FMNL2: variants seen among roughly 807,000 people sequenced by gnomAD.
FMNL2 encodes the protein formin like 2.
In FMNL2, 51 loss-of-function variants were observed where a neutral mutation model predicts 130.2. The observed-to-expected ratio is 0.39, with a 90% CI of 0.31 to 0.49. FMNL2 has a LOEUF of 0.49. FMNL2 is among the 20% of genes least tolerant of loss of function. The pLI is 0.85. For synonymous variants in FMNL2, 465 were observed against 467.1 expected, an observed-to-expected ratio of 1.00 and a Z score of 0.06; for missense variants, 977 against 1,316.2, an observed-to-expected ratio of 0.74 and a Z score of 3.99.
intron 21 of FMNL2, among the ~76,000 whole-genome samples, chr2:152,635,962 C>G (rs1480287489): frequency 6.6e-6 from 1 of 152,188 alleles, no homozygotes; most frequent in Admixed American, 6.5e-5. Flanking sequence ...CCACTGCACT[C>G]CAGCCTGGAT....
chr2:152,491,358 G>A (rs1691178280), intron 1 of FMNL2, among the ~76,000 whole-genome samples: 3 of 152,118 alleles, frequency 2.0e-5, no homozygotes, highest in Admixed American at 2.0e-4. Context: ...TGGGGTTGCC[G>A]CCTAGGCTGG....
At chr2:152,631,392 CAAA>C (rs33966314) in intron 20 of FMNL2, among the ~76,000 whole-genome samples, 2 of 77,236 alleles carry the variant, frequency 2.6e-5, no homozygotes, top group East Asian at 4.0e-4. Context: ...GACTCCATCT[CAAA>C]AAAAAAAAAA....
At chr2:152,384,535 T>C (rs367858449) in intron 1 of FMNL2, among the ~76,000 whole-genome samples, 32 of 152,132 alleles carry the variant, frequency 2.1e-4, no homozygotes, top group African/African-American at 5.8e-4. Context: ...AGAGTACTCT[T>C]GATCAGTGAT....
intron 1 of FMNL2, among the ~76,000 whole-genome samples, chr2:152,477,612 G>A (rs181129520): frequency 9.9e-5 from 15 of 152,114 alleles, no homozygotes; most frequent in Non-Finnish European, 1.9e-4. Flanking sequence ...TGTTGTTTGG[G>A]TTTTTGGTCT....
rs957277759 is a variant in FMNL2, at chr2:152,483,810, G to A, written c.118-38133G>A. On this transcript the variant is annotated intron_variant, in intron 1 of 25. Coordinates refer to ENST00000288670, the MANE Select transcript of FMNL2 (RefSeq NM_052905.4). Reference sequence around the variant, plus strand: ...GCTCATCTCTTGAAGCTATTTATTTGTAGCTAATAGCTAGCATTTGTTACC... The same window carrying A: ...GCTCATCTCTTGAAGCTATTTATTTATAGCTAATAGCTAGCATTTGTTACC... 2.6e-5 allele frequency among the ~76,000 whole-genome samples: 4 copies of A among 152,186 alleles called. No homozygotes were observed. The East Asian group carries it at 7.7e-4, about 29-fold the overall frequency.
At chr2:152,555,531 T>TG (rs1695155561) in intron 4 of FMNL2, among the ~76,000 whole-genome samples, 1 of 152,198 alleles carries the variant, frequency 6.6e-6, no homozygotes, top group Admixed American at 6.5e-5. Flanking sequence ...TTCTAAGATT[T>TG]GGGGAGACAG....
At chr2:152,353,841 A>G (rs1470746677) in intron 1 of FMNL2, among the ~76,000 whole-genome samples, 3 of 152,168 alleles carry the variant, frequency 2.0e-5, no homozygotes, top group Non-Finnish European at 4.4e-5. Context: ...ATTCTAGTAT[A>G]TTTTACAGGT....
intron 20 of FMNL2, among the ~76,000 whole-genome samples, chr2:152,631,109 G>A (rs1351630614): frequency 1.3e-5 from 2 of 152,106 alleles, no homozygotes; most frequent in Admixed American, 6.5e-5. Context: ...AAATAGGCCA[G>A]GCCTGGTGGC....
chr2:152,596,613 A>G lies in FMNL2; in HGVS notation c.877-10726A>G, dbSNP rs762047698. Reference sequence around the variant, plus strand: ...TGCAAGTTATATGTTGATATTTTCCATATTAGAAATTACAACAAAATTTCA... The same window carrying G: ...TGCAAGTTATATGTTGATATTTTCCGTATTAGAAATTACAACAAAATTTCA... On this transcript the variant is annotated intron_variant, in intron 9 of 25. Transcript: ENST00000288670. Among the ~76,000 whole-genome samples, 144 of 152,284 alleles carry G rather than the reference A, an allele frequency of 9.5e-4. 1 individual carries two copies. Among genetic ancestry groups the G allele is most frequent in the Admixed American group, 1.8e-3 (27 of 15,302 alleles).
At chr2:152,502,096 C>T (rs1006319894) in intron 1 of FMNL2, among the ~76,000 whole-genome samples, 3 of 152,112 alleles carry the variant, frequency 2.0e-5, no homozygotes, top group African/African-American at 7.2e-5. Flanking sequence ...GTAAGTTCTT[C>T]TTGTGGAAAA....
intron 6 of FMNL2, among the ~76,000 whole-genome samples, chr2:152,562,880 A>G (rs1695607771): frequency 6.6e-6 from 1 of 152,214 alleles, no homozygotes; most frequent in African/African-American, 2.4e-5. Context: ...TAATTTACAA[A>G]GTACATTTTA....
At chr2:152,477,310 T>C (rs1017093238) in intron 1 of FMNL2, among the ~76,000 whole-genome samples, 5 of 152,250 alleles carry the variant, frequency 3.3e-5, no homozygotes, top group African/African-American at 1.2e-4. Flanking sequence ...CTAGAGTTTT[T>C]ATTAGTTAAT....
intron 9 of FMNL2, among the ~76,000 whole-genome samples, chr2:152,602,512 A>G (rs1011936276): frequency 5.9e-5 from 9 of 152,102 alleles, no homozygotes; most frequent in Non-Finnish European, 1.2e-4. Context: ...GTAGCTCTTA[A>G]ACTTTCTCCC....
At chr2:152,370,795 T>C (rs1321507654) in intron 1 of FMNL2, among the ~76,000 whole-genome samples, 1 of 152,218 alleles carries the variant, frequency 6.6e-6, no homozygotes, top group African/African-American at 2.4e-5. Flanking sequence ...GTGTAAACAA[T>C]AACAAACTAC....
chr2:152,609,313 T>TA (rs1698559894), intron 10 of FMNL2, among the ~76,000 whole-genome samples: 1 of 152,226 alleles, frequency 6.6e-6, no homozygotes, highest in East Asian at 1.9e-4. Context: ...GTAGATCATT[T>TA]AGACCTGTTT....
rs142501449 is a variant in FMNL2 at position 152,443,154 on chromosome 2, G to A, written c.118-78789G>A. Among the ~76,000 whole-genome samples, 308 of 152,278 alleles carry A rather than the reference G, an allele frequency of 2.0e-3. 3 individuals carry two copies. The highest frequency in any genetic ancestry group is 7.2e-3 in the African/African-American group (300 of 41,556). On this transcript the variant is annotated intron_variant, in intron 1 of 25. Transcript: ENST00000288670. Reference sequence around the variant, plus strand: ...ACGAGAAACGAAGGAGGTGAAGCCGGGGTTTCTGGCATGGGGAACCAGATG... The same window carrying A: ...ACGAGAAACGAAGGAGGTGAAGCCGAGGTTTCTGGCATGGGGAACCAGATG...
At chr2:152,392,429 A>G (rs6761178) in intron 1 of FMNL2, among the ~76,000 whole-genome samples, 125,708 of 152,106 alleles carry the variant, frequency 0.83, 52,210 homozygotes, top group East Asian at 0.94. Flanking sequence ...CTGTGCTGTA[A>G]TGACAGAATA....
At chr2:152,616,778 T>C (rs1294041762) in intron 12 of FMNL2, among the ~76,000 whole-genome samples, 1 of 152,138 alleles carries the variant, frequency 6.6e-6, no homozygotes, top group East Asian at 1.9e-4. Context: ...AGGTGGACTT[T>C]CCCTCCTCTT....
chr2:152,620,285 T>G (rs1222823803), intron 15 of FMNL2, among the ~76,000 whole-genome samples: 1 of 152,138 alleles, frequency 6.6e-6, no homozygotes, highest in Non-Finnish European at 1.5e-5. Flanking sequence ...AGCCGTATTA[T>G]CATGCCTTAA....
Sources: allele counts gnomAD v4.1 joint callset (sites outside exome capture counted in the v4.1 genomes callset), GRCh38; gene constraint gnomAD v4.1.1; transcripts MANE v1.5; gene names NCBI Gene and HGNC (gene_info 2026-07-23, HGNC 2026-07-21).